Variants in TCERG1L observed in about 807,000 individuals in gnomAD.
TCERG1L encodes the protein transcription elongation regulator 1-like protein.
TCERG1L carries 37 observed loss-of-function variants against 56.3 expected under a neutral mutation model. The ratio of observed to expected loss-of-function variants is 0.66; its 90% CI spans 0.51 to 0.87. TCERG1L has a LOEUF of 0.87. Among genes scored for constraint, TCERG1L ranks in the 40% least tolerant of loss-of-function variants. TCERG1L has a pLI of 0.00. For missense variants in TCERG1L, 799 were observed against 774.2 expected, an observed-to-expected ratio of 1.03 and a Z score of -0.38; for synonymous variants, 324 against 326.3, an observed-to-expected ratio of 0.99 and a Z score of 0.08.
At chr10:131,246,251 C>T (rs1449920556) in intron 4 of TCERG1L, among the ~76,000 whole-genome samples, 1 of 152,152 alleles carries the variant, frequency 6.6e-6, no homozygotes, top group Non-Finnish European at 1.5e-5. Context: ...GTGGCACGAG[C>T]TGAGTGCTGG....
At chr10:131,196,094 C>T (rs952692003) in intron 4 of TCERG1L, among the ~76,000 whole-genome samples, 7 of 152,166 alleles carry the variant, frequency 4.6e-5, no homozygotes, top group Admixed American at 2.0e-4. Context: ...TCCTTTAGGG[C>T]CCAGTATTCA....
Position 131,311,186 on chromosome 10 carries a change from G to T in TCERG1L, c.342+108C>A. The T allele has an allele frequency of 3.2e-6, 3 of 926,926 alleles. No homozygotes were observed. The highest frequency in any genetic ancestry group is 2.7e-6 in the Non-Finnish European group (2 of 729,990). 57.4% of individuals were successfully genotyped at this position (926,926 alleles called of 1,614,324 possible). On this transcript the variant is annotated intron_variant, in intron 1 of 11. Transcript: ENST00000368642. The surrounding 1 kb of genome is among the most constrained non-coding windows in gnomAD (Gnocchi z 4.0). Reference sequence around the variant, plus strand: ...CTGAGGGTTTGGGGCGGCGAGGACCGCCGGGGAGGAGGGCGCGCGAGCCGG... The same window carrying T: ...CTGAGGGTTTGGGGCGGCGAGGACCTCCGGGGAGGAGGGCGCGCGAGCCGG...
In TCERG1L at chr10:131,185,949, C is replaced by T. The variant is rs148173528; in HGVS notation, c.857-19064G>A. On this transcript the variant is annotated intron_variant, in intron 4 of 11. Coordinates refer to ENST00000368642, the MANE Select transcript of TCERG1L (RefSeq NM_174937.4). ...CTATTCATAATCACCAAAATGTGGA[C>T]GTAATGTACATGAGCATCAATGGAT... Among the ~76,000 whole-genome samples the T allele has an allele frequency of 3.5e-3, 535 of 152,236 alleles. 2 individuals are homozygous for T. Among genetic ancestry groups the T allele is most frequent in the African/African-American group, 0.012 (487 of 41,528 alleles).
chr10:131,096,371 C>G (rs769105891), intron 11 of TCERG1L, among the ~76,000 whole-genome samples: 1 of 152,230 alleles, frequency 6.6e-6, no homozygotes, highest in Non-Finnish European at 1.5e-5. Context: ...TGGAAAATCA[C>G]AAGTTGCAGG....
intron 4 of TCERG1L, among the ~76,000 whole-genome samples, chr10:131,234,504 C>T (rs917309585): frequency 4.6e-5 from 7 of 152,118 alleles, no homozygotes; most frequent in Non-Finnish European, 8.8e-5. Flanking sequence ...AGGCTCATGG[C>T]TTGAAGGCAG....
chr10:131,240,533 T>TAATG lies in TCERG1L; in HGVS notation c.856+19722_856+19725dup, dbSNP rs1216114344. The stretch of plus-strand genomic sequence containing the variant: ...AGCACCCAGTGAGTATCTGAGGAAC[T>TAATG]AATGAATGAGTGAGTGAGTGAGTGA... On this transcript the variant is annotated intron_variant, in intron 4 of 11. Coordinates refer to ENST00000368642, the MANE Select transcript of TCERG1L (RefSeq NM_174937.4). 3.2e-5 allele frequency among the ~76,000 whole-genome samples: 4 copies of TAATG among 124,164 alleles called. No homozygotes were observed. In the East Asian group the frequency reaches 1.2e-3, roughly 38 times the overall value. 81.5% of individuals were successfully genotyped at this position (124,164 alleles called of 152,430 possible).
intron 6 of TCERG1L, among the ~76,000 whole-genome samples, chr10:131,155,440 C>A (rs1401864018): frequency 6.6e-6 from 1 of 152,242 alleles, no homozygotes; most frequent in African/African-American, 2.4e-5. Context: ...GCCGGGAGGG[C>A]AGCATCTGCC....
chr10:131,246,932 G>A (rs553311955), intron 4 of TCERG1L, among the ~76,000 whole-genome samples: 1 of 152,240 alleles, frequency 6.6e-6, no homozygotes, highest in South Asian at 2.1e-4. Context: ...CCGGCGCTGC[G>A]GCACAACAGA....
At chr10:131,093,895 C>T (rs1477048677) in intron 11 of TCERG1L, among the ~76,000 whole-genome samples, 1 of 152,206 alleles carries the variant, frequency 6.6e-6, no homozygotes, top group African/African-American at 2.4e-5. Flanking sequence ...TGGACTCCCA[C>T]ATTCGAATGA....
intron 4 of TCERG1L, among the ~76,000 whole-genome samples, chr10:131,227,333 T>C (rs1341021226): frequency 1.3e-5 from 2 of 152,110 alleles, no homozygotes; most frequent in Admixed American, 6.5e-5. Flanking sequence ...AGCTGGCCAA[T>C]TAGAAGAGTA....
In TCERG1L at chr10:131,118,784, T is replaced by C. The variant is rs1845484762; in HGVS notation, c.1260-1850A>G. On this transcript the variant is annotated intron_variant, in intron 8 of 11. Coordinates refer to ENST00000368642, the MANE Select transcript of TCERG1L (RefSeq NM_174937.4). This position sits in a 1 kb window ranked among gnomAD's most constrained non-coding sequence, Gnocchi z 4.2. ...GCAACAGTCTTGAATATAATCTGTT[T>C]TTACGGCTTTAACTACTGTCCAGTT... 6.6e-6 allele frequency among the ~76,000 whole-genome samples: 1 copy of C among 152,192 alleles called. No individual in the cohort carries two copies. The highest frequency in any genetic ancestry group is 6.5e-5 in the Admixed American group (1 of 15,284).
At position 131,308,328 on chromosome 10, in the gene TCERG1L, A is replaced by G. The variant is rs143901848; in HGVS notation, c.553T>C (p.Phe185Leu). Residue 185 changes from phenylalanine (F) to leucine (L), a missense_variant, in exon 3 of 12, where the codon TTC becomes CTC. Coordinates refer to ENST00000368642, the MANE Select transcript of TCERG1L (RefSeq NM_174937.4). Reference protein sequence around the residue: ...TWIHPEESRFFHGHEKPRLLA... With the variant: ...TWIHPEESRFLHGHEKPRLLA... The stretch of plus-strand genomic sequence containing the variant: ...AAACGAGGCTTTTCATGCCCATGGA[A>G]AAACCTTGACTCCTCAGGATGTATC... 8.2e-5 allele frequency: 132 copies of G among 1,613,908 alleles called. No individual in the cohort carries two copies. Among genetic ancestry groups the G allele is most frequent in the Middle Eastern group, 1.6e-4 (1 of 6,084 alleles).
intron 8 of TCERG1L, among the ~76,000 whole-genome samples, chr10:131,124,274 T>C (rs979213916): frequency 6.6e-6 from 1 of 152,148 alleles, no homozygotes; most frequent in Non-Finnish European, 1.5e-5. Flanking sequence ...TAGCATCCTA[T>C]GCAGCCGAGC....
At chr10:131,273,225 C>A (rs1464599574) in intron 3 of TCERG1L, among the ~76,000 whole-genome samples, 1 of 152,152 alleles carries the variant, frequency 6.6e-6, no homozygotes, top group Non-Finnish European at 1.5e-5. Flanking sequence ...GCCTGGGACC[C>A]CCATGGTTGT....
At chr10:131,214,555 G>A (rs1845648959) in intron 4 of TCERG1L, among the ~76,000 whole-genome samples, 1 of 152,218 alleles carries the variant, frequency 6.6e-6, no homozygotes, top group Non-Finnish European at 1.5e-5. Context: ...GTGTTAAGAG[G>A]AAAATAGCAC....
intron 6 of TCERG1L, among the ~76,000 whole-genome samples, chr10:131,152,848 G>A (rs913751224): frequency 6.6e-6 from 1 of 152,192 alleles, no homozygotes; most frequent in African/African-American, 2.4e-5. Flanking sequence ...GGTGGCAGAA[G>A]AGAGAATGAG....
intron 4 of TCERG1L, among the ~76,000 whole-genome samples, chr10:131,246,379 C>T (rs549661857): frequency 6.6e-5 from 10 of 152,160 alleles, no homozygotes; most frequent in Admixed American, 3.3e-4. Flanking sequence ...CTGGAGAGGG[C>T]GGCCATGCTG....
intron 7 of TCERG1L, among the ~76,000 whole-genome samples, chr10:131,144,037 C>G (rs145403190): frequency 6.6e-6 from 1 of 152,010 alleles, no homozygotes; most frequent in Non-Finnish European, 1.5e-5. Flanking sequence ...ACAACTTCCA[C>G]GTCTCCTATC....
chr10:131,211,777 G>A (rs1029815879), intron 4 of TCERG1L, among the ~76,000 whole-genome samples: 5 of 152,322 alleles, frequency 3.3e-5, no homozygotes, highest in Middle Eastern at 3.4e-3. Flanking sequence ...AGAGCACCAG[G>A]CCTGCCGGGC....
Sources: allele counts gnomAD v4.1 joint callset (sites outside exome capture counted in the v4.1 genomes callset), GRCh38; gene constraint gnomAD v4.1.1; non-coding constraint Gnocchi (gnomAD v3.1); transcripts MANE v1.5; gene names NCBI Gene and HGNC (gene_info 2026-07-23, HGNC 2026-07-21).